The following TEX10 variants were observed in gnomAD, a reference collection of about 807,000 sequenced individuals.
TEX10 encodes testis expressed 10.
TEX10 carries 24 observed loss-of-function variants against 104.4 expected under a neutral mutation model. The ratio of observed to expected loss-of-function variants is 0.23; its 90% CI spans 0.17 to 0.32. TEX10 has a LOEUF of 0.32. Among genes scored for constraint, TEX10 ranks in the 10% least tolerant of loss-of-function variants. TEX10 has a pLI of 1.00. For missense variants in TEX10, 921 were observed against 1,083.9 expected, an observed-to-expected ratio of 0.85 and a Z score of 2.11; for synonymous variants, 396 against 393.4, an observed-to-expected ratio of 1.01 and a Z score of -0.08.
At chr9:100,350,104 A>G (rs573060488) in intron 1 of TEX10, among the ~76,000 whole-genome samples, 2 of 152,354 alleles carry the variant, frequency 1.3e-5, no homozygotes, top group South Asian at 2.1e-4. Context: ...AGCCACTATT[A>G]TAATAAATAA....
At position 100,327,795 on chromosome 9, in the gene TEX10, C is replaced by T. The variant is rs1434850976; in HGVS notation, c.1793G>A (p.Arg598Gln). 2.3e-5 allele frequency: 36 copies of T among 1,563,084 alleles called. No homozygotes were observed. The highest frequency in any genetic ancestry group is 8.6e-5 in the South Asian group (7 of 81,298). ...AACAAATGAACTCTTACCATAAATT[C>T]GGAGGGCAGTAGCTTGTAAACTTTT... ...LLKSLQATAL[R>Q]IYDPQEGAVV... The change falls in exon 8 of 15, where the codon CGA (arginine) becomes CAA (glutamine). Residue 598 changes from arginine (R) to glutamine (Q), a missense_variant. Coordinates refer to ENST00000374902, the MANE Select transcript of TEX10 (RefSeq NM_017746.4).
At chr9:100,326,610 C>G (rs1452137040) in intron 8 of TEX10, 131 bp from the exon 9 acceptor site, 14 of 824,814 alleles carry the variant, frequency 1.7e-5, no homozygotes. Flanking sequence ...ATATCAATTA[C>G]ATAAAAGCAT....
chr9:100,315,509 G>A (rs1041759584), intron 11 of TEX10, among the ~76,000 whole-genome samples: 2 of 151,972 alleles, frequency 1.3e-5, no homozygotes, highest in Admixed American at 6.6e-5. Context: ...GAATTGATCC[G>A]TTCATCATTA....
intron 1 of TEX10, 125 bp downstream of exon 1, chr9:100,352,647 C>A (rs932806028): frequency 1.4e-6 from 2 of 1,435,786 alleles, no homozygotes; most frequent in African/African-American, 2.9e-5. Flanking sequence ...CGGCCCAGAC[C>A]CGGGGGACGC....
chr9:100,321,653 T>G (rs766688739), intron 10 of TEX10, 30 bp downstream of exon 10: 18 of 1,571,610 alleles, frequency 1.1e-5, no homozygotes, highest in Non-Finnish European at 1.6e-5. Context: ...AGGTTTTTTC[T>G]TTTTTAATCT....
In TEX10 at chr9:100,310,193, T is replaced by A. The variant is rs1460013810; in HGVS notation, c.2283+106A>T. ...CATGCTGCAAGAGACTATGATATCA[T>A]TAATCTTAGAATTCCAGACATGCTC... On this transcript the variant is annotated intron_variant, in intron 12 of 14. Transcript: ENST00000374902. 4.5e-6 allele frequency: 4 copies of A among 892,666 alleles called. No individual in the cohort carries two copies. The East Asian group carries it at 1.0e-4, about 23-fold the overall frequency. 55.3% of individuals were successfully genotyped at this position (892,666 alleles called of 1,614,324 possible).
chr9:100,321,833 T>G, intron 9 of TEX10, 62 bp from the exon 10 acceptor site: 2 of 1,201,592 alleles, frequency 1.7e-6, no homozygotes, highest in Non-Finnish European at 2.5e-6. Flanking sequence ...TTGTCAAAGG[T>G]AGCACAGTAT....
At chr9:100,331,567 G>A (rs895176616) in intron 5 of TEX10, among the ~76,000 whole-genome samples, 2 of 152,212 alleles carry the variant, frequency 1.3e-5, no homozygotes, top group Non-Finnish European at 2.9e-5. Context: ...ACAAATACAT[G>A]AGAAGGGAAA....
intron 11 of TEX10, among the ~76,000 whole-genome samples, chr9:100,314,272 G>C (rs766984532): frequency 3.9e-5 from 6 of 152,032 alleles, no homozygotes; most frequent in Non-Finnish European, 7.4e-5. Context: ...ATATTTAGTA[G>C]AGACAGGGTT....
At chr9:100,335,610 C>T (rs1834987099) in intron 5 of TEX10, among the ~76,000 whole-genome samples, 1 of 151,888 alleles carries the variant, frequency 6.6e-6, no homozygotes, top group Non-Finnish European at 1.5e-5. Flanking sequence ...GTAAAGAATA[C>T]ATGTCTACTA....
intron 8 of TEX10, 120 bp downstream of exon 8, chr9:100,327,667 C>T: frequency 1.7e-6 from 1 of 598,282 alleles, no homozygotes; most frequent in Non-Finnish European, 2.6e-6. Context: ...GCAATTTAAC[C>T]ATGGTATTAC....
At chr9:100,351,394 G>A (rs1271789043) in intron 1 of TEX10, among the ~76,000 whole-genome samples, 2 of 115,578 alleles carry the variant, frequency 1.7e-5, no homozygotes, top group East Asian at 7.2e-4. Context: ...AAAAAAAGCT[G>A]GGGGTCGGTG....
chr9:100,303,072 A>G (rs757326105), intron 14 of TEX10, among the ~76,000 whole-genome samples: 2 of 152,222 alleles, frequency 1.3e-5, no homozygotes, highest in Non-Finnish European at 2.9e-5. Flanking sequence ...GAGTGAACTA[A>G]GTGACTAGAA....
intron 1 of TEX10, among the ~76,000 whole-genome samples, chr9:100,351,979 T>C (rs920298887): frequency 1.3e-5 from 2 of 151,718 alleles, no homozygotes; most frequent in Non-Finnish European, 2.9e-5. Flanking sequence ...CGATCCCCAA[T>C]AGTTTCAAAG....
chr9:100,324,337 CTTA>C (rs1253252039), intron 9 of TEX10, among the ~76,000 whole-genome samples: 4 of 152,162 alleles, frequency 2.6e-5, no homozygotes, highest in Admixed American at 6.5e-5. Flanking sequence ...CCTGGCTAGT[CTTA>C]TTATGACCCT....
intron 2 of TEX10, 118 bp from the exon 3 acceptor site, chr9:100,347,524 A>G: frequency 2.9e-6 from 2 of 687,794 alleles, no homozygotes; most frequent in Non-Finnish European, 4.5e-6. Context: ...CTGCTTCAAT[A>G]AGTACTTTTT....
intron 11 of TEX10, among the ~76,000 whole-genome samples, chr9:100,317,564 A>AT (rs531930399): frequency 3.9e-5 from 6 of 152,322 alleles, no homozygotes; most frequent in Admixed American, 2.6e-4. Flanking sequence ...TCTTCTGGAC[A>AT]TTGATCTAGA....
intron 7 of TEX10, among the ~76,000 whole-genome samples, chr9:100,328,222 A>G (rs1466507940): frequency 6.6e-6 from 1 of 152,208 alleles, no homozygotes; most frequent in Non-Finnish European, 1.5e-5. Flanking sequence ...ACACTTAACT[A>G]TTTATCCTAA....
At chr9:100,323,594 A>G (rs149052048) in intron 9 of TEX10, among the ~76,000 whole-genome samples, 3,529 of 152,330 alleles carry the variant, frequency 0.023, 56 homozygotes, top group Non-Finnish European at 0.039. Flanking sequence ...TAAAAAAACT[A>G]TAACTGGTTG....
Sources: gnomAD v4.1 joint callset for allele counts (sites outside exome capture counted in the v4.1 genomes callset) on GRCh38, gnomAD v4.1.1 for gene constraint, MANE v1.5 for transcripts, NCBI Gene and HGNC (gene_info 2026-07-23, HGNC 2026-07-21) for gene names.